Variants in CACNA1C observed in about 807,000 individuals in gnomAD.
CACNA1C encodes calcium voltage-gated channel subunit alpha1 C.
Under a neutral mutation model 229.0 loss-of-function variants are expected in CACNA1C, and 30 were observed. The observed-to-expected ratio is 0.13, with a 90% CI of 0.10 to 0.18. The LOEUF is 0.18. Ranked by LOEUF, CACNA1C falls within the 10% of genes least tolerant of loss-of-function variation. CACNA1C has a pLI of 1.00. For synonymous variants in CACNA1C, 1,114 were observed against 1,132.5 expected, an observed-to-expected ratio of 0.98 and a Z score of 0.33; for missense variants, 1,658 against 2,845.0, an observed-to-expected ratio of 0.58 and a Z score of 9.49.
intron 3 of CACNA1C, among the ~76,000 whole-genome samples, chr12:2,218,454 TGCATAGGG>T (rs1358827970): frequency 2.0e-5 from 3 of 152,276 alleles, no homozygotes; most frequent in African/African-American, 7.2e-5. Flanking sequence ...CTAAAGGCAG[TGCATAGGG>T]GCAGAGGGGC....
At chr12:1,994,685 T>C (rs2040369936) in intron 1 of CACNA1C, among the ~76,000 whole-genome samples, 2 of 152,238 alleles carry the variant, frequency 1.3e-5, no homozygotes, top group Admixed American at 6.5e-5. Context: ...AAATAAATGA[T>C]TTTTTAAATG....
intron 7 of CACNA1C, among the ~76,000 whole-genome samples, chr12:2,495,730 T>A (rs1195321418): frequency 2.0e-5 from 3 of 152,198 alleles, no homozygotes; most frequent in African/African-American, 7.2e-5. Flanking sequence ...CCCAGGCTCA[T>A]GGGACATGCC....
chr12:1,988,987 T>A (rs2038617354), intron 1 of CACNA1C, among the ~76,000 whole-genome samples: 1 of 152,218 alleles, frequency 6.6e-6, no homozygotes, highest in Non-Finnish European at 1.5e-5. Flanking sequence ...GATCTAAACT[T>A]CAGGTTTACA....
At chr12:2,404,194 G>A (rs1000012208) in intron 3 of CACNA1C, among the ~76,000 whole-genome samples, 1 of 152,200 alleles carries the variant, frequency 6.6e-6, no homozygotes, top group African/African-American at 2.4e-5. Flanking sequence ...AGTGCCCCGG[G>A]AAACTCGAGC....
intron 5 of CACNA1C, among the ~76,000 whole-genome samples, chr12:2,474,755 T>G (rs1427221372): frequency 3.1e-5 from 2 of 64,928 alleles, no homozygotes; most frequent in African/African-American, 9.5e-5. Context: ...AAACTCCATC[T>G]CAAAAAAAAA....
intron 29 of CACNA1C, among the ~76,000 whole-genome samples, chr12:2,624,773 CTT>C (rs1361473718): frequency 1.3e-5 from 2 of 152,212 alleles, no homozygotes; most frequent in African/African-American, 2.4e-5. Flanking sequence ...GTCTTAGTGA[CTT>C]TTAGATGAAA....
intron 38 of CACNA1C, 39 bp downstream of exon 38, chr12:2,669,074 G>A: frequency 7.3e-7 from 1 of 1,362,634 alleles, no homozygotes. Flanking sequence ...ACACTCAGAA[G>A]GTCTAGCAGA....
rs537720425 is a variant in CACNA1C, at chr12:2,681,312, G to A, written c.5445-1238G>A. On this transcript the variant is annotated intron_variant, in intron 42 of 46. Transcript: ENST00000399655. ...ATAGCAAAATACATGCAAAGCACCC[G>A]GCACAGTGCCCAGCACACAGTCGGT... 2.0e-4 allele frequency among the ~76,000 whole-genome samples: 31 copies of A among 152,266 alleles called. No homozygotes were observed. In the South Asian group the frequency reaches 2.3e-3, roughly 11 times the overall value.
intron 29 of CACNA1C, among the ~76,000 whole-genome samples, chr12:2,620,883 GA>G (rs2082877574): frequency 6.6e-6 from 1 of 152,204 alleles, no homozygotes; most frequent in Non-Finnish European, 1.5e-5. Context: ...ATGCATGCAT[GA>G]ATGGATGAAT....
At chr12:1,996,122 T>C (rs1432782070) in intron 1 of CACNA1C, among the ~76,000 whole-genome samples, 1 of 152,208 alleles carries the variant, frequency 6.6e-6, no homozygotes, top group African/African-American at 2.4e-5. Context: ...ACTCTCATCA[T>C]TTCATATCTA....
chr12:2,686,121 C>G, intron 44 of CACNA1C, 45 bp from the exon 45 acceptor site: 1 of 1,446,912 alleles, frequency 6.9e-7, no homozygotes, highest in Non-Finnish European at 9.7e-7. Context: ...CAGGCCAGTG[C>G]CCTGTTTTCC....
intron 3 of CACNA1C, among the ~76,000 whole-genome samples, chr12:2,443,431 G>T (rs1414213303): frequency 6.6e-6 from 1 of 152,174 alleles, no homozygotes; most frequent in Non-Finnish European, 1.5e-5. Context: ...TTGAAAGTCT[G>T]GGTGTTTCCA....
Position 2,608,833 on chromosome 12 carries a change from A to G in CACNA1C, c.3558+121A>G, listed in dbSNP as rs1433031430. 37 of 949,208 alleles carry G rather than the reference A, an allele frequency of 3.9e-5. No homozygotes were observed. The highest frequency in any genetic ancestry group is 2.6e-5 in the East Asian group (1 of 38,012). The allele number at this position is 949,208 out of a possible 1,614,324, so 58.8% of individuals were successfully genotyped here. A position where few individuals can be genotyped will look rare whatever the true frequency, so the allele number is the denominator to read the frequency against. ...GTGCAGATACTGAGATCGTCTCTCT[A>G]TTCCTCAACCAGAGTGGGCTGTCAG... On this transcript the variant is annotated intron_variant, in intron 27 of 46. Transcript: ENST00000399655. The surrounding 1 kb of genome is among the most constrained non-coding windows in gnomAD (Gnocchi z 4.2).
intron 11 of CACNA1C, among the ~76,000 whole-genome samples, chr12:2,560,122 C>T (rs1000773575): frequency 4.6e-5 from 7 of 152,192 alleles, no homozygotes; most frequent in South Asian, 4.1e-4. Flanking sequence ...CGCAAGGCCA[C>T]GTGGCCCTGG....
chr12:2,435,099 G>T (rs977786112), intron 3 of CACNA1C, among the ~76,000 whole-genome samples: 1 of 152,084 alleles, frequency 6.6e-6, no homozygotes, highest in African/African-American at 2.4e-5. Flanking sequence ...TTCCCCCACC[G>T]TGCAGACACT....
chr12:2,212,408 T>G (rs1255534820), intron 3 of CACNA1C, among the ~76,000 whole-genome samples: 1 of 152,342 alleles, frequency 6.6e-6, no homozygotes, highest in East Asian at 1.9e-4. Flanking sequence ...AGAGAGATCA[T>G]GCAGGTTCTG....
At chr12:2,446,199 G>GGGGA (rs2099276516) in intron 3 of CACNA1C, among the ~76,000 whole-genome samples, 1 of 136,908 alleles carries the variant, frequency 7.3e-6, no homozygotes, top group Non-Finnish European at 1.6e-5. Context: ...AGGTGGGTGG[G>GGGGA]TGGATGGATG....
intron 18 of CACNA1C, among the ~76,000 whole-genome samples, chr12:2,587,225 C>CA (rs1184877656): frequency 2.0e-5 from 3 of 151,946 alleles, no homozygotes; most frequent in African/African-American, 7.3e-5. Context: ...AAAATGGGGA[C>CA]AGAGAAGATA....
chr12:2,577,583 A>G (rs2058881302), intron 13 of CACNA1C, among the ~76,000 whole-genome samples: 1 of 152,240 alleles, frequency 6.6e-6, no homozygotes, highest in Non-Finnish European at 1.5e-5. Flanking sequence ...GCCACTTCTC[A>G]CTGTTTGGCA....
Sources: gnomAD v4.1 joint callset for allele counts (sites outside exome capture counted in the v4.1 genomes callset) on GRCh38, gnomAD v4.1.1 for gene constraint, Gnocchi (gnomAD v3.1) non-coding constraint, MANE v1.5 for transcripts, NCBI Gene and HGNC (gene_info 2026-07-23, HGNC 2026-07-21) for gene names.